Variants in RREB1 observed in about 807,000 individuals in gnomAD.
The protein encoded by RREB1 is ras responsive element binding protein 1.
A neutral mutation model predicts 117.8 loss-of-function variants in RREB1; 27 were observed. The ratio of observed to expected loss-of-function variants is 0.23; its 90% CI spans 0.17 to 0.32. RREB1 has a LOEUF of 0.32. Ranked by LOEUF, RREB1 falls within the 10% of genes least tolerant of loss-of-function variation. RREB1 has a pLI of 1.00. For synonymous variants in RREB1, 1,298 were observed against 1,026.7 expected, an observed-to-expected ratio of 1.26 and a Z score of -5.05; for missense variants, 2,577 against 2,378.2, an observed-to-expected ratio of 1.08 and a Z score of -1.74.
rs9379085 is a variant in RREB1, at chr6:7,236,952, G to T, written c.3809-3486G>T. 8.9e-4 allele frequency among the ~76,000 whole-genome samples: 110 copies of T among 123,610 alleles called. 1 individual carries two copies. The East Asian group carries it at 0.024, about 27-fold the overall frequency. 81.1% of individuals were successfully genotyped at this position (123,610 alleles called of 152,430 possible). A position where few individuals can be genotyped will look rare whatever the true frequency, so the allele number is the denominator to read the frequency against. ...CCCTGTCACCCAAGCTAGAGTGCCT[G>T]TGTGCACCCTGGCTAGAGTACAGTG... is the stretch of plus-strand genomic sequence containing the variant. On this transcript the variant is annotated intron_variant, in intron 10 of 12. Coordinates refer to ENST00000379938, the MANE Select transcript of RREB1 (RefSeq NM_001003699.4).
At chr6:7,236,887 GTTTTTTTTT>G (rs869133214) in intron 10 of RREB1, among the ~76,000 whole-genome samples, 31 of 63,424 alleles carry the variant, frequency 4.9e-4, no homozygotes, top group African/African-American at 2.1e-3. Context: ...GTTTTTGGAG[GTTTTTTTTT>G]TTTTTTTTTT....
intron 1 of RREB1, among the ~76,000 whole-genome samples, chr6:7,152,143 G>GT (rs1187761139): frequency 6.6e-6 from 1 of 152,172 alleles, no homozygotes; most frequent in Non-Finnish European, 1.5e-5. Flanking sequence ...GTGATGCTGA[G>GT]TTTTTTAGCT....
At chr6:7,172,453 G>A (rs894754812) in intron 1 of RREB1, among the ~76,000 whole-genome samples, 1 of 151,192 alleles carries the variant, frequency 6.6e-6, no homozygotes, top group Non-Finnish European at 1.5e-5. Context: ...TTGCTGTGTT[G>A]CCCAGGCTGG....
At chr6:7,177,964 C>A (rs893128976) in intron 2 of RREB1, among the ~76,000 whole-genome samples, 4 of 152,284 alleles carry the variant, frequency 2.6e-5, no homozygotes, top group African/African-American at 9.6e-5. Flanking sequence ...CTTAGGTGAT[C>A]TGCCTACCCT....
intron 1 of RREB1, among the ~76,000 whole-genome samples, chr6:7,153,139 T>G (rs1763197228): frequency 6.6e-6 from 1 of 151,460 alleles, no homozygotes; most frequent in Non-Finnish European, 1.5e-5. Context: ...GGAAAATATT[T>G]TTAATGTTTC....
At chr6:7,169,033 G>T (rs939038903) in intron 1 of RREB1, among the ~76,000 whole-genome samples, 4 of 148,892 alleles carry the variant, frequency 2.7e-5, no homozygotes, top group Non-Finnish European at 6.1e-5. Flanking sequence ...GGGTGCTCTG[G>T]AAAAAATATA....
rs776573900 is a variant in RREB1, at chr6:7,226,539, A to G, written c.780A>G (p.Gln260=). The change falls in exon 9 of 13, where the codon CAA becomes CAG. Residue 260 remains glutamine (Q), a synonymous_variant. Transcript: ENST00000379938. Reference sequence around the variant, plus strand: ...GTCACAACGCGCTTGTCCACAAACAACTTCCCAGGGATGCAATGGGCAGAC... The same window carrying G: ...GTCACAACGCGCTTGTCCACAAACAGCTTCCCAGGGATGCAATGGGCAGAC... ...LLRHNALVHK[Q]LPRDAMGRPF... is the part of the protein sequence containing the mutation. 1 of 1,614,080 alleles carries G rather than the reference A, an allele frequency of 6.2e-7. No homozygotes were observed. The highest frequency in any genetic ancestry group is 1.7e-5 in the Admixed American group (1 of 60,016).
intron 1 of RREB1, among the ~76,000 whole-genome samples, chr6:7,115,382 A>C (rs900571032): frequency 1.4e-5 from 2 of 139,042 alleles, no homozygotes; most frequent in Non-Finnish European, 3.1e-5. Context: ...TCACACAGAC[A>C]GGAGGTAAGG....
In RREB1 at chr6:7,251,489, C is replaced by CTTGTTTTT. The variant is rs747198771; in HGVS notation, c.*2523_*2524insGTTTTTTT. 4.9e-5 allele frequency: 6 copies of CTTGTTTTT among 121,336 alleles called. No homozygotes were observed. Among genetic ancestry groups the CTTGTTTTT allele is most frequent in the African/African-American group, 1.3e-4 (4 of 31,456 alleles). 7.5% of individuals were successfully genotyped at this position (121,336 alleles called of 1,614,324 possible). On this transcript the variant is annotated 3_prime_UTR_variant, in exon 13 of 13. Coordinates refer to ENST00000379938, the MANE Select transcript of RREB1 (RefSeq NM_001003699.4). ...GTTTTTTGAGGTGCAAGTTTTTTCT[C>CTTGTTTTT]TTTTTTTTTTTTTTTTTTTTTTCTC...
intron 2 of RREB1, among the ~76,000 whole-genome samples, chr6:7,178,736 A>T: frequency 6.6e-6 from 1 of 152,118 alleles, no homozygotes; most frequent in East Asian, 1.9e-4. Context: ...CAGATTAGAG[A>T]TGAGTCTCTA....
chr6:7,145,691 A>G (rs1341684254), intron 1 of RREB1, among the ~76,000 whole-genome samples: 1 of 151,672 alleles, frequency 6.6e-6, no homozygotes, highest in Non-Finnish European at 1.5e-5. Context: ...TGGGAGATGG[A>G]GAGGGCCTGT....
chr6:7,232,154 G>A (rs1768030475), intron 10 of RREB1, among the ~76,000 whole-genome samples: 1 of 152,214 alleles, frequency 6.6e-6, no homozygotes, highest in Non-Finnish European at 1.5e-5. Flanking sequence ...GTTCATCCGG[G>A]GCGTTTTGAG....
chr6:7,200,559 A>G (rs950478035), intron 6 of RREB1, among the ~76,000 whole-genome samples: 2 of 152,138 alleles, frequency 1.3e-5, no homozygotes, highest in Non-Finnish European at 2.9e-5. Flanking sequence ...GTGAGCCACC[A>G]TGCCTGGCCT....
chr6:7,206,756 C>T (rs769734606), intron 6 of RREB1, among the ~76,000 whole-genome samples: 7 of 152,176 alleles, frequency 4.6e-5, no homozygotes, highest in Non-Finnish European at 8.8e-5. Flanking sequence ...GCGCGTGGCA[C>T]GAAACCTGGA....
Position 7,231,369 on chromosome 6 carries a change from G to A in RREB1, c.3270G>A (p.Gly1090=), listed in dbSNP as rs557987664. ...TLLKTKVADP[G]PASTGSNTTA... is the part of the protein sequence containing the mutation. ...TGAAAACCAAGGTGGCGGACCCAGG[G>A]CCCGCAAGCACTGGCAGTAACACCA... Residue 1090 remains glycine, a synonymous_variant, in exon 10 of 13, where the codon GGG becomes GGA. Coordinates refer to ENST00000379938, the MANE Select transcript of RREB1 (RefSeq NM_001003699.4). 5.0e-6 allele frequency: 8 copies of A among 1,613,374 alleles called. No individual in the cohort carries two copies. Among genetic ancestry groups the A allele is most frequent in the Admixed American group, 1.7e-5 (1 of 60,010 alleles).
intron 5 of RREB1, chr6:7,187,759 G>A (rs151205552): frequency 2.4e-5 from 6 of 248,688 alleles, no homozygotes; most frequent in Admixed American, 5.3e-5. Flanking sequence ...ATGAGCTGTA[G>A]CTGTGCCTAA....
chr6:7,116,549 T>G (rs1157214220), intron 1 of RREB1, among the ~76,000 whole-genome samples: 3 of 150,650 alleles, frequency 2.0e-5, no homozygotes, highest in Non-Finnish European at 2.9e-5. Flanking sequence ...CCACTGTGTG[T>G]TGATTTCTGA....
Position 7,211,046 on chromosome 6 carries a change from A to G in RREB1, c.570+98A>G. ...CTCAGTGTGGAGACTTGGCAGACAT[A>G]CATCCTAAGCTCTTAACGTGTGTTT... On this transcript the variant is annotated intron_variant, in intron 7 of 12. Transcript: ENST00000379938. 3.3e-6 allele frequency: 4 copies of G among 1,227,974 alleles called. No individual in the cohort carries two copies. In the South Asian group the frequency reaches 4.2e-5, roughly 13 times the overall value. The allele number at this position is 1,227,974 out of a possible 1,614,324, so 76.1% of individuals were successfully genotyped here.
intron 12 of RREB1, 69 bp from the exon 13 acceptor site, chr6:7,248,442 G>C: frequency 7.3e-7 from 1 of 1,373,370 alleles, no homozygotes; most frequent in Non-Finnish European, 1.0e-6. Flanking sequence ...CATTCTTCCT[G>C]TGCAGAGCAG....
Sources: gnomAD v4.1 joint callset for allele counts (sites outside exome capture counted in the v4.1 genomes callset) on GRCh38, gnomAD v4.1.1 for gene constraint, MANE v1.5 for transcripts, NCBI Gene and HGNC (gene_info 2026-07-23, HGNC 2026-07-21) for gene names.